The following RABGAP1L variants were observed in gnomAD, a reference collection of about 807,000 sequenced individuals.
RABGAP1L encodes the protein rab GTPase-activating protein 1-like.
Under a neutral mutation model 137.7 loss-of-function variants are expected in RABGAP1L, and 63 were observed. The ratio of observed to expected loss-of-function variants is 0.46; its 90% confidence interval spans 0.37 to 0.56. The LOEUF (loss-of-function observed/expected upper bound fraction) is 0.56. Among genes scored for constraint, RABGAP1L ranks in the 20% least tolerant of loss-of-function variants. The probability of loss-of-function intolerance (pLI) is 0.00; values close to 1 mark genes in which losing one functional copy is unlikely to be tolerated. For synonymous variants in RABGAP1L, 431 were observed against 433.7 expected, an observed-to-expected ratio of 0.99 and a Z score of 0.08; for missense variants, 1,095 against 1,244.0, an observed-to-expected ratio of 0.88 and a Z score of 1.80.
At chr1:174,615,291 A>T (rs1370512567) in intron 13 of RABGAP1L, among the ~76,000 whole-genome samples, 4 of 152,140 alleles carry the variant, frequency 2.6e-5, no homozygotes, top group African/African-American at 4.8e-5. Flanking sequence ...TTTCCTTCTA[A>T]CAGACAGGAC....
intron 13 of RABGAP1L, among the ~76,000 whole-genome samples, chr1:174,629,743 C>T (rs962551952): frequency 1.3e-5 from 2 of 152,074 alleles, no homozygotes; most frequent in South Asian, 2.1e-4. Flanking sequence ...AGGCTGGTCT[C>T]GAAGTCCTGA....
At chr1:174,616,015 G>T (rs1344077227) in intron 13 of RABGAP1L, among the ~76,000 whole-genome samples, 1 of 152,056 alleles carries the variant, frequency 6.6e-6, no homozygotes, top group African/African-American at 2.4e-5. Context: ...GGAACTCCCT[G>T]ACCCCTTGCA....
intron 17 of RABGAP1L, among the ~76,000 whole-genome samples, chr1:174,724,534 T>A (rs887412088): frequency 6.6e-6 from 1 of 152,156 alleles, no homozygotes; most frequent in Non-Finnish European, 1.5e-5. Context: ...ATAGATAATA[T>A]CTCATCAACT....
At chr1:174,273,705 C>G (rs758534797) in intron 8 of RABGAP1L, among the ~76,000 whole-genome samples, 10 of 152,048 alleles carry the variant, frequency 6.6e-5, no homozygotes, top group Non-Finnish European at 1.3e-4. Flanking sequence ...TAATCATGGT[C>G]TTTCAGAGTT....
chr1:174,320,404 A>G (rs1679846540), intron 11 of RABGAP1L, among the ~76,000 whole-genome samples: 1 of 152,162 alleles, frequency 6.6e-6, no homozygotes, highest in African/African-American at 2.4e-5. Flanking sequence ...TATGTACATC[A>G]TGTTAGCAGT....
At chr1:174,195,839 C>CTTT (rs541907684) in intron 1 of RABGAP1L, among the ~76,000 whole-genome samples, 11 of 91,874 alleles carry the variant, frequency 1.2e-4, no homozygotes, top group African/African-American at 2.3e-4. Flanking sequence ...CCTTCTTCTT[C>CTTT]TTTTTTTTTT....
At chr1:174,429,859 T>C (rs942180638) in intron 13 of RABGAP1L, among the ~76,000 whole-genome samples, 4 of 152,106 alleles carry the variant, frequency 2.6e-5, no homozygotes, top group African/African-American at 9.7e-5. Flanking sequence ...TAGGGGTCTG[T>C]TTCCAGCCAT....
chr1:174,300,704 T>G lies in RABGAP1L; in HGVS notation c.1324-4282T>G, dbSNP rs548097392. ...AAGGTGGGTGAAACCCCATCTCTACTAAAAATACAAAAATTAGCTAGGCAT... is the reference window on the plus strand; with the variant it reads ...AAGGTGGGTGAAACCCCATCTCTACGAAAAATACAAAAATTAGCTAGGCAT... On this transcript the variant is annotated intron_variant, in intron 10 of 25. Coordinates refer to ENST00000681986, the MANE Select transcript of RABGAP1L (RefSeq NM_001366446.1). Among the ~76,000 whole-genome samples the G allele has an allele frequency of 5.3e-4, 80 of 151,722 alleles. 1 individual carries two copies. Among genetic ancestry groups the G allele is most frequent in the Admixed American group, 1.9e-3 (29 of 15,250 alleles).
chr1:174,696,251 C>T lies in RABGAP1L; in HGVS notation c.1900-3274C>T, dbSNP rs146380844. On this transcript the variant is annotated intron_variant, in intron 15 of 25. Coordinates refer to ENST00000681986, the MANE Select transcript of RABGAP1L (RefSeq NM_001366446.1). The stretch of plus-strand genomic sequence containing the variant: ...CTGCTTCATGTTACTGTGGCTGAGC[C>T]GGTACTCAAGTTGCAGGACAAAGTC... Among the ~76,000 whole-genome samples, 128 of 152,056 alleles carry T rather than the reference C, an allele frequency of 8.4e-4. 3 individuals are homozygous for T. The highest frequency in any genetic ancestry group is 2.7e-3 in the African/African-American group (114 of 41,456).
At chr1:174,930,648 A>C (rs1663640011) in intron 19 of RABGAP1L, among the ~76,000 whole-genome samples, 2 of 152,200 alleles carry the variant, frequency 1.3e-5, no homozygotes, top group African/African-American at 4.8e-5. Context: ...TCAAACATAC[A>C]CAAAAGTAGA....
intron 13 of RABGAP1L, among the ~76,000 whole-genome samples, chr1:174,598,491 C>CT (rs373460331): frequency 1.1e-3 from 161 of 152,230 alleles, no homozygotes; most frequent in African/African-American, 3.6e-3. Context: ...CTGTCCAGTG[C>CT]TGAAAGTGGT....
intron 19 of RABGAP1L, among the ~76,000 whole-genome samples, chr1:174,868,991 C>T (rs760539287): frequency 1.3e-5 from 2 of 149,300 alleles, no homozygotes; most frequent in Non-Finnish European, 1.5e-5. Flanking sequence ...CAAGGAAATA[C>T]GAAAAAAAAA....
At chr1:174,238,349 G>C (rs374125730) in intron 4 of RABGAP1L, among the ~76,000 whole-genome samples, 4 of 152,118 alleles carry the variant, frequency 2.6e-5, no homozygotes, top group Non-Finnish European at 4.4e-5. Flanking sequence ...GACGCTCTGC[G>C]TTTTAGAGTT....
chr1:174,324,107 G>A (rs560327237), intron 11 of RABGAP1L, among the ~76,000 whole-genome samples: 3 of 152,178 alleles, frequency 2.0e-5, no homozygotes, highest in South Asian at 2.1e-4. Flanking sequence ...TCATGTAGGC[G>A]AATCATTGGA....
At position 174,688,636 on chromosome 1, in the gene RABGAP1L, G is replaced by C. The variant is rs181819327; in HGVS notation, c.1899+5040G>C. On this transcript the variant is annotated intron_variant, in intron 15 of 25. Coordinates refer to ENST00000681986, the MANE Select transcript of RABGAP1L (RefSeq NM_001366446.1). ...GTCCTAATTAATAGTGTTTATAACA[G>C]TCAAAACACTGAAGCAACTCAAATG... 7.2e-5 allele frequency among the ~76,000 whole-genome samples: 11 copies of C among 152,156 alleles called. No individual in the cohort carries two copies. The East Asian group carries it at 2.1e-3, about 29-fold the overall frequency.
intron 10 of RABGAP1L, among the ~76,000 whole-genome samples, chr1:174,290,662 T>A (rs1676507850): frequency 6.6e-6 from 1 of 152,188 alleles, no homozygotes; most frequent in Non-Finnish European, 1.5e-5. Context: ...CTTTAAATTT[T>A]AATTTTTTAT....
At chr1:174,845,163 G>A (rs200749565) in intron 19 of RABGAP1L, among the ~76,000 whole-genome samples, 5,530 of 134,326 alleles carry the variant, frequency 0.041, 119 homozygotes, top group East Asian at 0.2. Flanking sequence ...CAATCATGTC[G>A]TCTGCAAACA....
intron 13 of RABGAP1L, among the ~76,000 whole-genome samples, chr1:174,562,714 T>G (rs902824462): frequency 1.3e-5 from 2 of 152,164 alleles, no homozygotes. Context: ...AGTACATGGA[T>G]GAAGGTGGAA....
At chr1:174,635,834 A>G (rs748305948) in intron 13 of RABGAP1L, among the ~76,000 whole-genome samples, 4 of 152,364 alleles carry the variant, frequency 2.6e-5, no homozygotes, top group Non-Finnish European at 1.5e-5. Flanking sequence ...AAGAAAGGGT[A>G]GTGGCTTACC....
Sources: gnomAD v4.1 joint callset for allele counts (sites outside exome capture counted in the v4.1 genomes callset) on GRCh38, gnomAD v4.1.1 for gene constraint, MANE v1.5 for transcripts, NCBI Gene and HGNC (gene_info 2026-07-23, HGNC 2026-07-21) for gene names.